The following KCTD1 variants were observed in gnomAD, a reference collection of about 807,000 sequenced individuals.
KCTD1 encodes the protein BTB/POZ domain-containing protein KCTD1.
In KCTD1, 24 loss-of-function variants were observed where a neutral mutation model predicts 66.0. The observed-to-expected ratio is 0.36, with a 90% CI of 0.26 to 0.51. The LOEUF is 0.51. Ranked by LOEUF, KCTD1 falls within the 20% of genes least tolerant of loss-of-function variation. The pLI is 0.95. For synonymous variants in KCTD1, 511 were observed against 517.2 expected, an observed-to-expected ratio of 0.99 and a Z score of 0.16; for missense variants, 943 against 1,205.2, an observed-to-expected ratio of 0.78 and a Z score of 3.22.
intron 1 of KCTD1, among the ~76,000 whole-genome samples, chr18:26,586,585 A>G (rs1172443634): frequency 6.6e-6 from 1 of 152,264 alleles, no homozygotes; most frequent in Non-Finnish European, 1.5e-5. Context: ...TGATGGTCGA[A>G]CTAGGTAGAA....
chr18:26,501,033 A>G (rs755552300), intron 2 of KCTD1, 39 bp downstream of exon 2: 4 of 1,599,492 alleles, frequency 2.5e-6, no homozygotes, highest in Non-Finnish European at 1.7e-6. Context: ...TACCAAATAC[A>G]TGCACGTCGG....
intron 1 of KCTD1, among the ~76,000 whole-genome samples, chr18:26,646,879 G>C (rs190597638): frequency 2.0e-5 from 3 of 152,038 alleles, no homozygotes; most frequent in East Asian, 1.9e-4. Context: ...GAACACAAAG[G>C]TTTAATGGGA....
At chr18:26,609,586 C>A (rs974464905) in intron 1 of KCTD1, among the ~76,000 whole-genome samples, 1 of 152,166 alleles carries the variant, frequency 6.6e-6, no homozygotes, top group South Asian at 2.1e-4. Flanking sequence ...TAACTGATTT[C>A]CCCCTCATGA....
At chr18:26,647,431 T>C (rs1399096860) in intron 1 of KCTD1, among the ~76,000 whole-genome samples, 1 of 140,560 alleles carries the variant, frequency 7.1e-6, no homozygotes, top group Non-Finnish European at 1.5e-5. Flanking sequence ...GAGAATCACT[T>C]GAACCTTGAA....
intron 1 of KCTD1, among the ~76,000 whole-genome samples, chr18:26,535,712 T>C (rs1302629041): frequency 6.6e-6 from 1 of 152,178 alleles, no homozygotes; most frequent in Non-Finnish European, 1.5e-5. Flanking sequence ...AACTATACCA[T>C]GTTTATAACT....
chr18:26,581,325 A>G (rs1268293415), intron 1 of KCTD1: 4 of 152,202 alleles, frequency 2.6e-5, no homozygotes, highest in African/African-American at 9.7e-5. Context: ...ATGGCTCACT[A>G]TAGCCTCAAC....
At chr18:26,569,853 T>G (rs965793458) in intron 1 of KCTD1, among the ~76,000 whole-genome samples, 1 of 152,188 alleles carries the variant, frequency 6.6e-6, no homozygotes, top group East Asian at 1.9e-4. Context: ...ATACATTGTC[T>G]GAGAAACTGA....
intron 1 of KCTD1, among the ~76,000 whole-genome samples, chr18:26,595,114 G>T (rs1353637286): frequency 6.6e-6 from 1 of 151,644 alleles, no homozygotes; most frequent in Non-Finnish European, 1.5e-5. Flanking sequence ...CCTTTTCCTC[G>T]ATGTATAACT....
intron 1 of KCTD1, among the ~76,000 whole-genome samples, chr18:26,622,447 C>G (rs1028298075): frequency 2.0e-5 from 3 of 152,166 alleles, no homozygotes; most frequent in African/African-American, 4.8e-5. Context: ...TCCCAGCGTC[C>G]ATGCCTGCTG....
chr18:26,571,629 TTTTA>T (rs953172806), intron 1 of KCTD1, among the ~76,000 whole-genome samples: 9 of 152,200 alleles, frequency 5.9e-5, no homozygotes, highest in Non-Finnish European at 1.3e-4. Flanking sequence ...TATTATTATT[TTTTA>T]TTTATTTATT....
At chr18:26,615,363 A>T (rs1176759218) in intron 1 of KCTD1, among the ~76,000 whole-genome samples, 2 of 152,196 alleles carry the variant, frequency 1.3e-5, no homozygotes, top group African/African-American at 4.8e-5. Context: ...AAACAGCATC[A>T]ATGAGGATAT....
rs1294649998 is a variant in KCTD1 at position 26,548,286 on chromosome 18, C to T, written c.251G>A (p.Gly84Glu). Residue 84 changes from glycine (G) to glutamate (E), a missense_variant, in exon 1 of 5, where the codon GGG becomes GAG. Gly to Glu is a moderately conservative substitution (Grantham distance 98, BLOSUM62 -2). Around this residue, in one of 10 missense-constraint regions of KCTD1, gnomAD observed 236 missense variants for 206.6 expected, o/e 1.14. Coordinates refer to ENST00000580059, the MANE Select transcript of KCTD1 (RefSeq NM_001142730.3). Reference sequence around the variant, plus strand: ...CTCCTCCTCCTCGTCCTCCTCCAGCCCCCCACCTCCGTCCTCCTCCTCCTC... The same window carrying T: ...CTCCTCCTCCTCGTCCTCCTCCAGCTCCCCACCTCCGTCCTCCTCCTCCTC... Reference protein sequence around the residue: ...DEEEEEDGGGGLEEDEEEEEE... With the variant: ...DEEEEEDGGGELEEDEEEEEE... The T allele has an allele frequency of 6.6e-7, 1 of 1,509,262 alleles. No homozygotes were observed. Among genetic ancestry groups the T allele is most frequent in the Non-Finnish European group, 8.8e-7 (1 of 1,131,906 alleles). The allele number at this position is 1,509,262 out of a possible 1,614,324, so 93.5% of individuals were successfully genotyped here.
chr18:26,567,260 C>G (rs1986002298), intron 1 of KCTD1, among the ~76,000 whole-genome samples: 1 of 152,166 alleles, frequency 6.6e-6, no homozygotes, highest in Non-Finnish European at 1.5e-5. Context: ...AGGCATTTCT[C>G]AGTGTTTCAA....
At chr18:26,549,042 G>A (rs1405700256), upstream of KCTD1, 32 of 985,264 alleles carry the variant, frequency 3.2e-5, no homozygotes, top group Admixed American at 1.8e-4. Context: ...CGGGGCGGCG[G>A]CTGCGCCGGG....
In KCTD1 at chr18:26,489,543, G is replaced by GT. The variant is rs139397959; in HGVS notation, c.1988+11528dup. Among the ~76,000 whole-genome samples the GT allele has an allele frequency of 3.8e-4, 58 of 152,030 alleles. No individual in the cohort carries two copies. In the East Asian group the frequency reaches 7.2e-3, roughly 19 times the overall value. On this transcript the variant is annotated intron_variant, in intron 2 of 4. Transcript: ENST00000580059. ...GATTACAGGCCATTGTGCCTGGCCT[G>GT]TTTTTTTTCTTTCAATCCTGAATAT... is the stretch of plus-strand genomic sequence containing the variant.
intron 1 of KCTD1, among the ~76,000 whole-genome samples, chr18:26,512,066 G>C (rs553602109): frequency 2.6e-5 from 4 of 152,282 alleles, no homozygotes; most frequent in Admixed American, 2.0e-4. Context: ...AGCTAAATGT[G>C]CTCCTTTTAA....
At chr18:26,524,019 C>T (rs1431588635) in intron 1 of KCTD1, among the ~76,000 whole-genome samples, 1 of 152,202 alleles carries the variant, frequency 6.6e-6, no homozygotes, top group East Asian at 1.9e-4. Context: ...CTGCAGCAGT[C>T]ACACTGGAGA....
chr18:26,548,460 T>TCGG lies in KCTD1; in HGVS notation c.74_76dup (p.Ala25dup), dbSNP rs921777962. ...GCCCTCGCCCCGCTCCCCATTGTTC[T>TCGG]CGGCGGCGGCGGCGGCAGCGCTGGC... On this transcript the variant is annotated inframe_insertion, in exon 1 of 5. Coordinates refer to ENST00000580059, the MANE Select transcript of KCTD1 (RefSeq NM_001142730.3). 40 of 1,269,544 alleles carry TCGG rather than the reference T, an allele frequency of 3.2e-5. No homozygotes were observed. Among genetic ancestry groups the TCGG allele is most frequent in the African/African-American group, 2.8e-4 (18 of 64,224 alleles). 78.6% of individuals were successfully genotyped at this position (1,269,544 alleles called of 1,614,324 possible). A position where few individuals can be genotyped will look rare whatever the true frequency, so the allele number is the denominator to read the frequency against.
chr18:26,625,891 C>T (rs560355587), intron 1 of KCTD1, among the ~76,000 whole-genome samples: 3 of 152,336 alleles, frequency 2.0e-5, no homozygotes, highest in African/African-American at 7.2e-5. Context: ...TATTCCCCTT[C>T]CTTGGCTACA....
Sources: gnomAD v4.1 joint callset for allele counts (sites outside exome capture counted in the v4.1 genomes callset) on GRCh38, gnomAD v4.1.1 for gene constraint, gnomAD v4.1.1 regional missense constraint, MANE v1.5 for transcripts, NCBI Gene and HGNC (gene_info 2026-07-23, HGNC 2026-07-21) for gene names.